Variants in WSB1 observed in about 807,000 individuals in gnomAD.
WSB1 encodes the protein WD repeat and SOCS box containing 1.
A neutral mutation model predicts 50.2 loss-of-function variants in WSB1; 23 were observed. That is an observed-to-expected ratio of 0.46 (90% CI 0.33 to 0.65). WSB1 has a LOEUF of 0.65. Ranked by LOEUF, WSB1 falls within the 30% of genes least tolerant of loss-of-function variation. The pLI is 0.02. For synonymous variants in WSB1, 179 were observed against 172.0 expected (o/e 1.04, Z -0.32); for missense variants, 492 against 522.3 (o/e 0.94, Z 0.56).
chr17:27,295,686 AAG>A (rs1348079995), intron 1 of WSB1, among the ~76,000 whole-genome samples: 1 of 152,204 alleles, frequency 6.6e-6, no homozygotes, highest in Non-Finnish European at 1.5e-5. Context: ...AAGTGGGACA[AAG>A]AACTCAAAAG....
intron 1 of WSB1, 69 bp from the exon 2 acceptor site, chr17:27,301,719 A>C: frequency 6.5e-7 from 1 of 1,532,862 alleles, no homozygotes; most frequent in Non-Finnish European, 9.0e-7. Context: ...ATCCCAAAGT[A>C]ATATGGAAGC....
rs1224619370 is a variant in WSB1 at position 27,301,846 on chromosome 17, T to C, written c.99T>C (p.Cys33=). 1 of 1,614,144 alleles carries C rather than the reference T, an allele frequency of 6.2e-7. No individual in the cohort carries two copies. Among genetic ancestry groups the C allele is most frequent in the Non-Finnish European group, 8.5e-7 (1 of 1,180,008 alleles). ...CTGCAGCTCCTTTTGACAAGAAATGTGGTCGTGAAAATTGGACTGTTGCTT... is the reference window on the plus strand; with the variant it reads ...CTGCAGCTCCTTTTGACAAGAAATGCGGTCGTGAAAATTGGACTGTTGCTT... ...LAPAAPFDKK[C]GRENWTVAFA... Residue 33 remains cysteine (C), a synonymous_variant, in exon 2 of 9, where the codon TGT becomes TGC. Coordinates refer to ENST00000262394, the MANE Select transcript of WSB1 (RefSeq NM_015626.10).
intron 5 of WSB1, chr17:27,307,896 G>A: frequency 6.9e-7 from 1 of 1,440,010 alleles, no homozygotes; most frequent in Non-Finnish European, 9.1e-7. Context: ...GCATTCGGCT[G>A]CAAGGTGTAC....
intron 5 of WSB1, chr17:27,307,673 C>G: frequency 6.8e-7 from 1 of 1,470,476 alleles, no homozygotes. Flanking sequence ...ATAAGAAGAA[C>G]AAAATTAGAT....
intron 7 of WSB1, among the ~76,000 whole-genome samples, chr17:27,310,519 A>C (rs576907986): frequency 2.0e-5 from 3 of 152,386 alleles, no homozygotes; most frequent in African/African-American, 7.2e-5. Context: ...AAAGAATTAC[A>C]AATAAATAGT....
intron 5 of WSB1, chr17:27,307,218 AT>A (rs1212643617): frequency 2.3e-5 from 5 of 216,670 alleles, no homozygotes; most frequent in Non-Finnish European, 4.5e-5. Context: ...CTGTTGTTCT[AT>A]TTTTTTGGTC....
chr17:27,314,554 TGACAGAGTAA>T lies in WSB1; in HGVS notation c.*2189_*2198del, dbSNP rs1242363179. 2.6e-5 allele frequency: 4 copies of T among 152,116 alleles called. No individual in the cohort carries two copies. The highest frequency in any genetic ancestry group is 9.7e-5 in the African/African-American group (4 of 41,418). 9.4% of individuals were successfully genotyped at this position (152,116 alleles called of 1,614,324 possible). Reference sequence around the variant, plus strand: ...TCACGCAACTGCACTCCAGCCTGGGTGACAGAGTAAGACTCTAAATAAATAAGATACCATT... The same window carrying T: ...TCACGCAACTGCACTCCAGCCTGGGTGACTCTAAATAAATAAGATACCATT... On this transcript the variant is annotated 3_prime_UTR_variant, in exon 9 of 9. Coordinates refer to ENST00000262394, the MANE Select transcript of WSB1 (RefSeq NM_015626.10).
chr17:27,298,865 A>C (rs2150829021), intron 1 of WSB1, among the ~76,000 whole-genome samples: 1 of 152,246 alleles, frequency 6.6e-6, no homozygotes, highest in South Asian at 2.1e-4. Flanking sequence ...CTGTCTTAAA[A>C]GGAAAAAAAA....
Position 27,312,207 on chromosome 17 carries a change from T to G in WSB1, c.1107-3T>G, listed in dbSNP as rs369539895. Reference sequence around the variant, plus strand: ...ACTAAGCATGTGCTTTGTTTCTGTTTAGGACACATGACGGAAGTGTGTATT... The same window carrying G: ...ACTAAGCATGTGCTTTGTTTCTGTTGAGGACACATGACGGAAGTGTGTATT... On this transcript the variant is annotated splice_region_variant and splice_polypyrimidine_tract_variant and intron_variant, in intron 8 of 8. Coordinates refer to ENST00000262394, the MANE Select transcript of WSB1 (RefSeq NM_015626.10). 1.9e-6 allele frequency: 3 copies of G among 1,606,034 alleles called. No homozygotes were observed. The highest frequency in any genetic ancestry group is 2.7e-5 in the African/African-American group (2 of 74,272).
chr17:27,296,017 A>G (rs2016957961), intron 1 of WSB1, among the ~76,000 whole-genome samples: 3 of 152,060 alleles, frequency 2.0e-5, no homozygotes, highest in Admixed American at 6.6e-5. Context: ...TGTTTTTAGT[A>G]GAGATGGGGT....
intron 7 of WSB1, among the ~76,000 whole-genome samples, chr17:27,311,204 AT>A (rs967305703): frequency 3.9e-5 from 6 of 152,284 alleles, no homozygotes; most frequent in Admixed American, 1.3e-4. Flanking sequence ...AGTTGATTGT[AT>A]TGTAAGTGTA....
Position 27,305,061 on chromosome 17 carries a change from T to C in WSB1, c.610+150T>C, listed in dbSNP as rs766148625. 50 of 928,018 alleles carry C rather than the reference T, an allele frequency of 5.4e-5. 1 individual carries two copies. Among genetic ancestry groups the C allele is most frequent in the South Asian group, 3.7e-4 (21 of 57,120 alleles). The allele number at this position is 928,018 out of a possible 1,614,324, so 57.5% of individuals were successfully genotyped here. A position where few individuals can be genotyped will look rare whatever the true frequency, so the allele number is the denominator to read the frequency against. On this transcript the variant is annotated intron_variant, in intron 4 of 8. Transcript: ENST00000262394. Reference sequence around the variant, plus strand: ...TTAACACTTAGGTTCCTTTCCTGAATAGATCAAAGAAAAACATAAATGTGA... The same window carrying C: ...TTAACACTTAGGTTCCTTTCCTGAACAGATCAAAGAAAAACATAAATGTGA...
intron 5 of WSB1, chr17:27,307,699 T>C (rs1290775004): frequency 6.5e-7 from 1 of 1,528,120 alleles, no homozygotes; most frequent in South Asian, 1.2e-5. Flanking sequence ...CATTGCTATT[T>C]TAGGCTGTGT....
At chr17:27,301,645 C>A (rs546782193) in intron 1 of WSB1, 143 bp from the exon 2 acceptor site, 3 of 706,608 alleles carry the variant, frequency 4.2e-6, no homozygotes, top group East Asian at 5.8e-5. Context: ...CTGCATACCC[C>A]CCGTTAGAGG....
intron 1 of WSB1, among the ~76,000 whole-genome samples, chr17:27,298,939 C>G (rs915862211): frequency 6.6e-6 from 1 of 152,102 alleles, no homozygotes; most frequent in Non-Finnish European, 1.5e-5. Flanking sequence ...CCCGTAGTCC[C>G]TGCTACAGCT....
intron 3 of WSB1, 144 bp from the exon 4 acceptor site, chr17:27,304,636 C>G (rs747190181): frequency 1.9e-4 from 115 of 610,028 alleles, no homozygotes; most frequent in Non-Finnish European, 2.6e-4. Context: ...TGCTTGAACC[C>G]AGGAGGTCGA....
chr17:27,294,571 G>A, intron 1 of WSB1, 136 bp downstream of exon 1: 1 of 1,269,758 alleles, frequency 7.9e-7, no homozygotes, highest in Non-Finnish European at 1.1e-6. Context: ...TAGCGAGGAG[G>A]AGGAAGCCGC....
At chr17:27,312,145 T>G in intron 8 of WSB1, 65 bp from the exon 9 acceptor site, 97 of 1,537,388 alleles carry the variant, frequency 6.3e-5, no homozygotes, top group Non-Finnish European at 8.1e-5. Flanking sequence ...GATAGTTGTT[T>G]GAGCTGTAGC....
At chr17:27,309,059 T>C in intron 5 of WSB1, 41 bp from the exon 6 acceptor site, 1 of 1,554,126 alleles carries the variant, frequency 6.4e-7, no homozygotes, top group Non-Finnish European at 8.7e-7. Flanking sequence ...TTGTCCTCTG[T>C]ATGTCTGAAT....
Sources: gnomAD v4.1 joint callset for allele counts (sites outside exome capture counted in the v4.1 genomes callset) on GRCh38, gnomAD v4.1.1 for gene constraint, MANE v1.5 for transcripts, NCBI Gene and HGNC (gene_info 2026-07-23, HGNC 2026-07-21) for gene names.